DNM1L: variants seen among roughly 807,000 people sequenced by gnomAD.
DNM1L encodes the protein dynamin 1L, also known as dynamin-1-like protein.
DNM1L carries 33 observed loss-of-function variants against 92.8 expected under a neutral mutation model. The ratio of observed to expected loss-of-function variants is 0.36; its 90% CI spans 0.27 to 0.48. The LOEUF (loss-of-function observed/expected upper bound fraction) is 0.48, where lower values mean the gene tolerates loss of function less well. Among genes scored for constraint, DNM1L ranks in the 20% least tolerant of loss-of-function variants. The pLI, the probability that DNM1L is intolerant of heterozygous loss-of-function variation, is 0.99. For missense variants in DNM1L, 485 were observed against 888.8 expected, an observed-to-expected ratio of 0.55 and a Z score of 5.78; for synonymous variants, 284 against 305.0, an observed-to-expected ratio of 0.93 and a Z score of 0.72.
At chr12:32,717,101 T>A (rs1457434356) in intron 6 of DNM1L, among the ~76,000 whole-genome samples, 2 of 123,510 alleles carry the variant, frequency 1.6e-5, no homozygotes, top group African/African-American at 6.4e-5. Flanking sequence ...TATATATATT[T>A]TATATATTTA....
At chr12:32,715,835 A>G (rs1310979382) in intron 6 of DNM1L, among the ~76,000 whole-genome samples, 1 of 152,194 alleles carries the variant, frequency 6.6e-6, no homozygotes, top group East Asian at 1.9e-4. Context: ...TGGTGTAGTC[A>G]TTTTGGGAAA....
chr12:32,683,332 C>T (rs187455598), intron 1 of DNM1L, among the ~76,000 whole-genome samples: 1 of 151,446 alleles, frequency 6.6e-6, no homozygotes, highest in Non-Finnish European at 1.5e-5. Flanking sequence ...TCAAGCAGTC[C>T]TCTTGCCTCA....
intron 2 of DNM1L, chr12:32,705,715 A>G (rs1319464715): frequency 1.0e-6 from 1 of 964,392 alleles, no homozygotes; most frequent in East Asian, 2.4e-5. Flanking sequence ...ATTGAATGCT[A>G]TGTGCATTTG....
In DNM1L at chr12:32,731,240, C is replaced by A; in HGVS notation, c.1200+106C>A. 6.3e-7 allele frequency: 1 copy of A among 1,588,602 alleles called. No individual in the cohort carries two copies. Among genetic ancestry groups the A allele is most frequent in the South Asian group, 1.1e-5 (1 of 87,906 alleles). On this transcript the variant is annotated intron_variant, in intron 10 of 19. Coordinates refer to ENST00000549701, the MANE Select transcript of DNM1L (RefSeq NM_012062.5). The surrounding 1 kb of genome is among the most constrained non-coding windows in gnomAD (Gnocchi z 5.1). Reference sequence around the variant, plus strand: ...TTAATTATACAGTTTATTTTGCTCTCATATTTGAAATTAAAAAGCATTTTT... The same window carrying A: ...TTAATTATACAGTTTATTTTGCTCTAATATTTGAAATTAAAAAGCATTTTT...
intron 8 of DNM1L, among the ~76,000 whole-genome samples, chr12:32,721,562 G>A (rs940368445): frequency 6.6e-6 from 1 of 152,060 alleles, no homozygotes; most frequent in Non-Finnish European, 1.5e-5. Flanking sequence ...TTCACACACA[G>A]TTAATCAGTA....
At chr12:32,733,581 T>C (rs984513693) in intron 12 of DNM1L, 134 bp from the exon 13 acceptor site, 51 of 718,246 alleles carry the variant, frequency 7.1e-5, no homozygotes, top group Non-Finnish European at 1.2e-4. Context: ...TGGAATATAA[T>C]TATCAAGTAA....
chr12:32,723,352 A>C (rs1354358659), intron 9 of DNM1L, among the ~76,000 whole-genome samples: 2 of 152,206 alleles, frequency 1.3e-5, no homozygotes, highest in Non-Finnish European at 2.9e-5. Context: ...TTTGGCAATA[A>C]CTATTTCCTA....
rs561494402 is a variant in DNM1L, at chr12:32,734,763, C to T, written c.1539+956C>T. Reference sequence around the variant, plus strand: ...GGTGGAGGTTGCAGTGAGCTGAGATCGCGCCATTGCACTCCAGCCTGGGCA... The same window carrying T: ...GGTGGAGGTTGCAGTGAGCTGAGATTGCGCCATTGCACTCCAGCCTGGGCA... On this transcript the variant is annotated intron_variant, in intron 13 of 19. Coordinates refer to ENST00000549701, the MANE Select transcript of DNM1L (RefSeq NM_012062.5). 5.7e-4 allele frequency among the ~76,000 whole-genome samples: 86 copies of T among 152,186 alleles called. 1 individual carries two copies. Among genetic ancestry groups the T allele is most frequent in the African/African-American group, 2.0e-3 (84 of 41,540 alleles).
At chr12:32,717,676 C>T (rs1469749597) in intron 6 of DNM1L, among the ~76,000 whole-genome samples, 1 of 76,372 alleles carries the variant, frequency 1.3e-5, no homozygotes, top group Non-Finnish European at 2.3e-5. Flanking sequence ...AATACATATA[C>T]CTAGGTAGAT....
chr12:32,695,434 A>G (rs560100417), intron 1 of DNM1L, among the ~76,000 whole-genome samples: 28 of 152,316 alleles, frequency 1.8e-4, no homozygotes, highest in African/African-American at 6.7e-4. Context: ...ATTAATTTGC[A>G]TAAGAAAAAT....
At chr12:32,679,590 G>A (rs1428607766) in intron 1 of DNM1L, 125 bp downstream of exon 1, 1 of 1,418,790 alleles carries the variant, frequency 7.0e-7, no homozygotes, top group Non-Finnish European at 9.3e-7. Flanking sequence ...TGTGGGAGGA[G>A]GGCCTTGCTG....
At chr12:32,680,178 C>G (rs1436496276) in intron 1 of DNM1L, among the ~76,000 whole-genome samples, 1 of 152,140 alleles carries the variant, frequency 6.6e-6, no homozygotes, top group African/African-American at 2.4e-5. Flanking sequence ...CTAAATTGGG[C>G]ATCAGTTTCT....
chr12:32,718,528 G>A, intron 6 of DNM1L, 115 bp from the exon 7 acceptor site: 1 of 1,285,790 alleles, frequency 7.8e-7, no homozygotes, highest in South Asian at 1.2e-5. Flanking sequence ...TGATGACAGA[G>A]GTAATACTAA....
At chr12:32,712,670 A>AG (rs1953182442) in intron 5 of DNM1L, among the ~76,000 whole-genome samples, 1 of 150,292 alleles carries the variant, frequency 6.7e-6, no homozygotes, top group Non-Finnish European at 1.5e-5. Flanking sequence ...AAAAAAAAAA[A>AG]AAAAAAAAGA....
intron 17 of DNM1L, 44 bp downstream of exon 17, chr12:32,740,284 A>C: frequency 6.2e-7 from 1 of 1,613,778 alleles, no homozygotes; most frequent in Non-Finnish European, 8.5e-7. Flanking sequence ...TAGGTGACCA[A>C]GTTAGTAGGA....
chr12:32,742,880 A>G, intron 19 of DNM1L, 132 bp downstream of exon 19: 1 of 513,168 alleles, frequency 1.9e-6, no homozygotes, highest in South Asian at 2.1e-5. Context: ...TTGGTACTTG[A>G]TAAGAATCTT....
At chr12:32,683,104 A>G (rs1951868671) in intron 1 of DNM1L, among the ~76,000 whole-genome samples, 1 of 152,240 alleles carries the variant, frequency 6.6e-6, no homozygotes, top group South Asian at 2.1e-4. Flanking sequence ...TACAGATGAC[A>G]TTAACCTGAG....
chr12:32,740,216 T>G lies in DNM1L; in HGVS notation c.1860T>G (p.Gly620=), dbSNP rs763903599. Residue 620 remains glycine (G), a synonymous_variant, in exon 17 of 20, where the codon GGT becomes GGG. Coordinates refer to ENST00000549701, the MANE Select transcript of DNM1L (RefSeq NM_012062.5). ...TTATGCCAGCCAGTCCACAAAAAGG[T>G]CATGCCGTGAACCTGCTAGATGTGG... ...IPIMPASPQK[G]HAVNLLDVPV... is the part of the protein sequence containing the mutation. 3.7e-6 allele frequency: 6 copies of G among 1,613,590 alleles called. No homozygotes were observed. The highest frequency in any genetic ancestry group is 4.2e-6 in the Non-Finnish European group (5 of 1,179,904).
At chr12:32,694,817 G>C (rs546021626) in intron 1 of DNM1L, among the ~76,000 whole-genome samples, 1 of 152,304 alleles carries the variant, frequency 6.6e-6, no homozygotes, top group South Asian at 2.1e-4. Flanking sequence ...TGGAACTTCT[G>C]ATGGAGCGGA....
Sources: allele counts gnomAD v4.1 joint callset (sites outside exome capture counted in the v4.1 genomes callset), GRCh38; gene constraint gnomAD v4.1.1; non-coding constraint Gnocchi (gnomAD v3.1); transcripts MANE v1.5; gene names NCBI Gene and HGNC (gene_info 2026-07-23, HGNC 2026-07-21).